Variants in ISM1 observed in about 807,000 individuals in gnomAD.
ISM1 encodes isthmin 1.
Under a neutral mutation model 46.3 loss-of-function variants are expected in ISM1, and 25 were observed. That is an observed-to-expected ratio of 0.54 (90% confidence interval 0.39 to 0.75). The LOEUF is 0.75. ISM1 is among the 30% of genes least tolerant of loss of function. ISM1 has a pLI of 0.00. For missense variants in ISM1, 536 were observed against 625.4 expected (o/e 0.86, Z 1.52); for synonymous variants, 255 against 256.7 (o/e 0.99, Z 0.06).
chr20:13,249,361 G>A (rs1038520687), intron 1 of ISM1, among the ~76,000 whole-genome samples: 2 of 152,172 alleles, frequency 1.3e-5, no homozygotes, highest in Non-Finnish European at 2.9e-5. Flanking sequence ...TCTGCCAGCA[G>A]ACCACTGCCG....
the ISM1 span, among the ~76,000 whole-genome samples, chr20:13,310,017 A>G: frequency 2.0e-5 from 3 of 152,206 alleles, no homozygotes; most frequent in East Asian, 5.8e-4. Context: ...CATATTACCC[A>G]AAGCAATCTA....
chr20:13,222,738 C>T (rs1485093808), intron 1 of ISM1, among the ~76,000 whole-genome samples: 1 of 152,192 alleles, frequency 6.6e-6, no homozygotes, highest in East Asian at 1.9e-4. Flanking sequence ...ATAGAATTGC[C>T]CAGCTAGGCA....
At position 13,222,427 on chromosome 20, in the gene ISM1, C is replaced by T. The variant is rs570440952; in HGVS notation, c.138+513C>T. Among the ~76,000 whole-genome samples, 18 of 152,156 alleles carry T rather than the reference C, an allele frequency of 1.2e-4. No individual in the cohort carries two copies. In the East Asian group the frequency reaches 2.9e-3, roughly 25 times the overall value. ...TTTCCCAAGGAGAATAGCCAGGCAT[C>T]CCCTCCTCACCCTCAGGGTTCCCTT... is the stretch of plus-strand genomic sequence containing the variant. On this transcript the variant is annotated intron_variant, in intron 1 of 5. Coordinates refer to ENST00000262487, the MANE Select transcript of ISM1 (RefSeq NM_080826.2).
chr20:13,222,464 T>C (rs1412784227), intron 1 of ISM1, among the ~76,000 whole-genome samples: 2 of 152,012 alleles, frequency 1.3e-5, no homozygotes, highest in Non-Finnish European at 2.9e-5. Flanking sequence ...CTTCCAGTGT[T>C]CCTCTTCCTC....
chr20:13,281,198 GTC>G (rs2040235192), intron 3 of ISM1, among the ~76,000 whole-genome samples: 1 of 152,196 alleles, frequency 6.6e-6, no homozygotes, highest in Non-Finnish European at 1.5e-5. Flanking sequence ...GCAAGGCATA[GTC>G]TGTCCCCAGA....
chr20:13,273,607 C>T (rs2040140593), intron 2 of ISM1, among the ~76,000 whole-genome samples: 2 of 152,154 alleles, frequency 1.3e-5, no homozygotes, highest in Non-Finnish European at 1.5e-5. Context: ...GTTGGGACTC[C>T]CAGAGCTGGG....
chr20:13,317,140 A>G, the ISM1 span, among the ~76,000 whole-genome samples: 1 of 151,982 alleles, frequency 6.6e-6, no homozygotes, highest in Non-Finnish European at 1.5e-5. Flanking sequence ...TATACCAACA[A>G]TGAACAAGTG....
intron 5 of ISM1, among the ~76,000 whole-genome samples, chr20:13,296,875 G>A (rs59368462): frequency 0.038 from 5,736 of 152,058 alleles, 364 homozygotes; most frequent in African/African-American, 0.13. Flanking sequence ...AAAATTAGTC[G>A]GGCAGAGTGG....
At chr20:13,258,739 T>G (rs1210916666) in intron 1 of ISM1, among the ~76,000 whole-genome samples, 1 of 152,076 alleles carries the variant, frequency 6.6e-6, no homozygotes, top group Admixed American at 6.5e-5. Context: ...TAGGGAATTG[T>G]ATCGGGGAAA....
chr20:13,324,069 T>C, the ISM1 span, among the ~76,000 whole-genome samples: 1 of 152,178 alleles, frequency 6.6e-6, no homozygotes, highest in Non-Finnish European at 1.5e-5. Context: ...TCGAGAAGTA[T>C]TTGCAGTAAT....
At position 13,270,558 on chromosome 20, in the gene ISM1, A is replaced by C; in HGVS notation, c.193A>C (p.Lys65Gln). ...ATCAGAAACCAGCTTTTCTCTCTCC[A>C]AAGAAGCACCAAGGGAGCATCTGGA... The part of the protein sequence containing the change: ...TTSETSFSLS[K>Q]EAPREHLDHQ... The change falls in exon 2 of 6, where the codon AAA becomes CAA. Residue 65 changes from lysine (K) to glutamine (Q), a missense_variant. Around this residue, in one of 2 missense-constraint regions of ISM1, gnomAD observed 367 missense variants for 376.1 expected, o/e 0.98. Coordinates refer to ENST00000262487, the MANE Select transcript of ISM1 (RefSeq NM_080826.2). 6 of 1,613,906 alleles carry C rather than the reference A, an allele frequency of 3.7e-6. No individual in the cohort carries two copies. The highest frequency in any genetic ancestry group is 4.2e-6 in the Non-Finnish European group (5 of 1,179,838).
intron 1 of ISM1, among the ~76,000 whole-genome samples, chr20:13,266,308 T>C (rs995257653): frequency 2.0e-5 from 3 of 152,232 alleles, no homozygotes; most frequent in Non-Finnish European, 1.5e-5. Context: ...TTTATTACTA[T>C]TCCTGTTTTT....
intron 1 of ISM1, among the ~76,000 whole-genome samples, chr20:13,226,825 A>G (rs1276268005): frequency 1.3e-5 from 2 of 152,246 alleles, no homozygotes; most frequent in African/African-American, 2.4e-5. Flanking sequence ...GCTGTATTCT[A>G]TTAGCCAAAC....
intron 1 of ISM1, among the ~76,000 whole-genome samples, chr20:13,227,405 G>A (rs536999279): frequency 1.0e-4 from 15 of 149,344 alleles, no homozygotes; most frequent in African/African-American, 2.7e-4. Context: ...GGGTTTCACC[G>A]TGTTAGCTAG....
intron 1 of ISM1, chr20:13,245,367 A>C (rs368522632): frequency 2.6e-5 from 4 of 152,218 alleles, no homozygotes; most frequent in African/African-American, 7.2e-5. Context: ...CAGGTAAGTG[A>C]ATAAAGCCAG....
Position 13,279,865 on chromosome 20 carries a change from C to A in ISM1, c.610C>A (p.Arg204=). 6.2e-7 allele frequency: 1 copy of A among 1,613,932 alleles called. No homozygotes were observed. The highest frequency in any genetic ancestry group is 8.5e-7 in the Non-Finnish European group (1 of 1,179,860). Residue 204 remains arginine (R), a synonymous_variant, in exon 3 of 6, where the codon CGG becomes AGG. Coordinates refer to ENST00000262487, the MANE Select transcript of ISM1 (RefSeq NM_080826.2). Reference sequence around the variant, plus strand: ...GTGGGACCATACAGCCCCAGGCCACCGGACTTTTGAAACCAAAGATCAGCC... The same window carrying A: ...GTGGGACCATACAGCCCCAGGCCACAGGACTTTTGAAACCAAAGATCAGCC... ...RGWDHTAPGH[R]TFETKDQPEY... is the part of the protein sequence containing the mutation.
chr20:13,221,730 CGCCGCCG>C lies in ISM1; in HGVS notation c.-39_-33del. 7.4e-7 allele frequency: 1 copy of C among 1,342,380 alleles called. No individual in the cohort carries two copies. Among genetic ancestry groups the C allele is most frequent in the Non-Finnish European group, 9.5e-7 (1 of 1,050,016 alleles). The allele number at this position is 1,342,380 out of a possible 1,614,324, so 83.2% of individuals were successfully genotyped here. On this transcript the variant is annotated 5_prime_UTR_variant, in exon 1 of 6. An upstream open reading frame in the 5' UTR loses its in-frame stop. Transcript: ENST00000262487. ...CCTCCTCCCCCGGCGTCACCGCCGC[CGCCGCCG>C]GCCGCCGCGCCGGGTCCTAAAGCCG...
the ISM1 span, among the ~76,000 whole-genome samples, chr20:13,310,687 T>C: frequency 6.6e-5 from 10 of 152,250 alleles, no homozygotes; most frequent in Non-Finnish European, 1.3e-4. Context: ...ATGGGGTTAA[T>C]CCGAAATACA....
chr20:13,234,570 A>C (rs1448709744), intron 1 of ISM1, among the ~76,000 whole-genome samples: 1 of 152,242 alleles, frequency 6.6e-6, no homozygotes, highest in Non-Finnish European at 1.5e-5. Flanking sequence ...CATTCCCACC[A>C]ACAGTGTATA....
Sources: gnomAD v4.1 joint callset for allele counts (sites outside exome capture counted in the v4.1 genomes callset) on GRCh38, gnomAD v4.1.1 for gene constraint, gnomAD v4.1.1 regional missense constraint, MANE v1.5 for transcripts, NCBI Gene and HGNC (gene_info 2026-07-23, HGNC 2026-07-21) for gene names.